The following PRTG variants were observed in gnomAD, a reference collection of about 807,000 sequenced individuals.
PRTG encodes immunoglobulin superfamily, DCC subclass, member 5.
A neutral mutation model predicts 122.5 loss-of-function variants in PRTG; 67 were observed. The ratio of observed to expected loss-of-function variants is 0.55; its 90% CI spans 0.45 to 0.67. PRTG has a LOEUF of 0.67. Among genes scored for constraint, PRTG ranks in the 30% least tolerant of loss-of-function variants. PRTG has a pLI of 0.00. For synonymous variants in PRTG, 554 were observed against 501.1 expected (o/e 1.11, Z -1.41); for missense variants, 1,435 against 1,415.4 (o/e 1.01, Z -0.22).
chr15:55,637,777 C>T (rs569632786), intron 14 of PRTG, among the ~76,000 whole-genome samples: 16 of 152,018 alleles, frequency 1.1e-4, no homozygotes, highest in Middle Eastern at 3.4e-3. Context: ...TTTAGTTATT[C>T]CTGGAAAAAT....
In PRTG at chr15:55,715,646, C is replaced by T. The variant is rs530917993; in HGVS notation, c.397+24736G>A. Among the ~76,000 whole-genome samples the T allele has an allele frequency of 2.8e-4, 42 of 152,258 alleles. 1 individual carries two copies. In the South Asian group the frequency reaches 8.5e-3, roughly 31 times the overall value. Reference sequence around the variant, plus strand: ...TTTGGGATCACAACATCCGAGGTCCCCTGGAATTACATATCCAAAAAACCC... The same window carrying T: ...TTTGGGATCACAACATCCGAGGTCCTCTGGAATTACATATCCAAAAAACCC... On this transcript the variant is annotated intron_variant, in intron 2 of 19. Coordinates refer to ENST00000389286, the MANE Select transcript of PRTG (RefSeq NM_173814.6).
At chr15:55,624,556 A>T in intron 17 of PRTG, 49 bp from the exon 18 acceptor site, 1 of 1,535,874 alleles carries the variant, frequency 6.5e-7, no homozygotes, top group Non-Finnish European at 8.9e-7. Flanking sequence ...TAGAAGATGC[A>T]GGCAAATGAA....
At chr15:55,685,505 C>T (rs1210767992) in intron 2 of PRTG, among the ~76,000 whole-genome samples, 1 of 152,044 alleles carries the variant, frequency 6.6e-6, no homozygotes, top group African/African-American at 2.4e-5. Context: ...CGGTGTTTTC[C>T]AGGAGTTATG....
At chr15:55,667,588 A>G (rs1404871432) in intron 11 of PRTG, among the ~76,000 whole-genome samples, 1 of 152,218 alleles carries the variant, frequency 6.6e-6, no homozygotes, top group Non-Finnish European at 1.5e-5. Context: ...TATATTAAAC[A>G]TAACAAAAGA....
At chr15:55,687,124 T>C (rs1054154863) in intron 2 of PRTG, among the ~76,000 whole-genome samples, 2 of 152,236 alleles carry the variant, frequency 1.3e-5, no homozygotes, top group Non-Finnish European at 2.9e-5. Context: ...TGAATTGAAC[T>C]AGTATTTTGA....
At chr15:55,723,437 G>A (rs1355481983) in intron 2 of PRTG, among the ~76,000 whole-genome samples, 1 of 150,814 alleles carries the variant, frequency 6.6e-6, no homozygotes. Flanking sequence ...AGACATGTGG[G>A]GCACCATCAA....
chr15:55,641,310 T>A, intron 11 of PRTG, 102 bp from the exon 12 acceptor site: 1 of 704,168 alleles, frequency 1.4e-6, no homozygotes, highest in Non-Finnish European at 2.4e-6. Context: ...ACCTGCTGAA[T>A]GCATAAAAGT....
intron 17 of PRTG, among the ~76,000 whole-genome samples, chr15:55,625,626 CT>C (rs562628240): frequency 2.0e-3 from 283 of 140,202 alleles, no homozygotes; most frequent in Middle Eastern, 3.7e-3. Flanking sequence ...CTAATTTTAA[CT>C]TTTTTTTTTT....
chr15:55,728,653 G>A (rs555329659), intron 2 of PRTG, among the ~76,000 whole-genome samples: 2 of 152,286 alleles, frequency 1.3e-5, no homozygotes, highest in Admixed American at 1.3e-4. Context: ...CATACTCAAA[G>A]GTGAAAGACT....
rs530138930 is a variant in PRTG at position 55,725,375 on chromosome 15, G to A, written c.397+15007C>T. Among the ~76,000 whole-genome samples the A allele has an allele frequency of 1.8e-4, 28 of 152,108 alleles. 1 individual carries two copies. In the South Asian group the frequency reaches 5.4e-3, roughly 29 times the overall value. Reference sequence around the variant, plus strand: ...AAGAAGTTAGGAATGCTGAAAATGAGAGACAAAAAAAGGTATAAGGTAAGC... The same window carrying A: ...AAGAAGTTAGGAATGCTGAAAATGAAAGACAAAAAAAGGTATAAGGTAAGC... On this transcript the variant is annotated intron_variant, in intron 2 of 19. Coordinates refer to ENST00000389286, the MANE Select transcript of PRTG (RefSeq NM_173814.6).
chr15:55,694,971 A>C (rs772401013), intron 2 of PRTG, among the ~76,000 whole-genome samples: 3 of 152,220 alleles, frequency 2.0e-5, no homozygotes, highest in Non-Finnish European at 2.9e-5. Flanking sequence ...AAGAGGCCAG[A>C]GCTCTATAAA....
In PRTG at chr15:55,624,436, C is replaced by G; in HGVS notation, c.2999G>C (p.Ser1000Thr). Residue 1000 changes from serine to threonine, a missense_variant, in exon 18 of 20, where the codon AGT becomes ACT. Physicochemically the swap from Ser to Thr is moderately conservative, Grantham distance 58. Coordinates refer to ENST00000389286, the MANE Select transcript of PRTG (RefSeq NM_173814.6). ...QLPRTSASLA[S>T]GNEVGKNLEG... is the part of the protein sequence containing the mutation. ...CAGGTTCTTTCCTACCTCATTTCCA[C>G]TAGCTAAGGAGGCACTGGTACGAGG... 1 of 1,613,862 alleles carries G rather than the reference C, an allele frequency of 6.2e-7. No individual in the cohort carries two copies. Among genetic ancestry groups the G allele is most frequent in the Admixed American group, 1.7e-5 (1 of 60,008 alleles).
chr15:55,620,772 G>A lies in PRTG; in HGVS notation c.3094-5C>T. The A allele has an allele frequency of 1.9e-6, 3 of 1,577,782 alleles. No homozygotes were observed. Among genetic ancestry groups the A allele is most frequent in the East Asian group, 2.3e-5 (1 of 43,962 alleles). ...AATTATCAGGTCAGTTCCTCCCTGA[G>A]GAAATAAAAGAGGGGAAATGTAAAA... On this transcript the variant is annotated splice_region_variant and splice_polypyrimidine_tract_variant and intron_variant, in intron 18 of 19. Transcript: ENST00000389286.
chr15:55,651,660 G>A (rs780562405), intron 11 of PRTG, among the ~76,000 whole-genome samples: 1 of 152,154 alleles, frequency 6.6e-6, no homozygotes, highest in Non-Finnish European at 1.5e-5. Flanking sequence ...ACTGGGCTGT[G>A]GATCAACAAT....
chr15:55,711,323 A>G (rs569541443), intron 2 of PRTG, among the ~76,000 whole-genome samples: 1 of 152,160 alleles, frequency 6.6e-6, no homozygotes, highest in African/African-American at 2.4e-5. Flanking sequence ...ACCACAGCTT[A>G]CAAATATGTT....
At chr15:55,633,067 C>G in intron 15 of PRTG, among the ~76,000 whole-genome samples, 1 of 151,994 alleles carries the variant, frequency 6.6e-6, no homozygotes, top group East Asian at 1.9e-4. Flanking sequence ...CTTATTTAAC[C>G]ATGATGAAAA....
At chr15:55,676,448 A>G (rs2059503562) in intron 8 of PRTG, among the ~76,000 whole-genome samples, 1 of 152,164 alleles carries the variant, frequency 6.6e-6, no homozygotes, top group African/African-American at 2.4e-5. Flanking sequence ...ACGCATGTCA[A>G]CTTAATCAAA....
intron 2 of PRTG, among the ~76,000 whole-genome samples, chr15:55,702,743 C>G (rs1484819094): frequency 6.6e-6 from 1 of 152,128 alleles, no homozygotes; most frequent in Non-Finnish European, 1.5e-5. Flanking sequence ...AAAGAGCAGT[C>G]ACACCTCTGC....
In PRTG at chr15:55,649,644, G is replaced by A. The variant is rs944391404; in HGVS notation, c.2042-8436C>T. ...TACTAAAAATACAAAAATTAGCCAC[G>A]TGTGGTGGTGAGCACACAAAGAAAG... On this transcript the variant is annotated intron_variant, in intron 11 of 19. Coordinates refer to ENST00000389286, the MANE Select transcript of PRTG (RefSeq NM_173814.6). Among the ~76,000 whole-genome samples, 79 of 151,950 alleles carry A rather than the reference G, an allele frequency of 5.2e-4. 1 individual carries two copies. The highest frequency in any genetic ancestry group is 1.9e-3 in the African/African-American group (78 of 41,346).
Sources: gnomAD v4.1 joint callset for allele counts (sites outside exome capture counted in the v4.1 genomes callset) on GRCh38, gnomAD v4.1.1 for gene constraint, MANE v1.5 for transcripts, NCBI Gene and HGNC (gene_info 2026-07-23, HGNC 2026-07-21) for gene names.